POC5: variants seen among roughly 807,000 people sequenced by gnomAD.
POC5 encodes the protein POC5 centriolar protein.
A neutral mutation model predicts 62.9 loss-of-function variants in POC5; 48 were observed. The observed-to-expected ratio is 0.76, with a 90% CI of 0.61 to 0.97. The LOEUF is 0.97. Among genes scored for constraint, POC5 ranks in the 50% least tolerant of loss-of-function variants. The pLI, the probability that POC5 is intolerant of heterozygous loss-of-function variation, is 0.00. For missense variants in POC5, 696 were observed against 679.5 expected (o/e 1.02, Z -0.27); for synonymous variants, 236 against 228.2 (o/e 1.03, Z -0.31).
At chr5:75,681,910 T>C (rs1043338331) in intron 10 of POC5, among the ~76,000 whole-genome samples, 4 of 152,230 alleles carry the variant, frequency 2.6e-5, no homozygotes, top group African/African-American at 7.2e-5. Context: ...ACTGGATTTA[T>C]TCCTACTTTT....
At chr5:75,711,217 TTTC>T (rs1198069098) in intron 2 of POC5, among the ~76,000 whole-genome samples, 1 of 152,216 alleles carries the variant, frequency 6.6e-6, no homozygotes, top group Non-Finnish European at 1.5e-5. Flanking sequence ...CAATATTGGC[TTTC>T]TTAATTGCCA....
rs748129448 is a variant in POC5, at chr5:75,702,704, A to G, written c.414T>C (p.His138=). 1 of 1,610,592 alleles carries G rather than the reference A, an allele frequency of 6.2e-7. No individual in the cohort carries two copies. The part of the protein sequence containing the change: ...DSSSPATNSS[H]TDAHEILVSD... ...TCACAAGTATTTCATGGGCATCTGTATGACTAGAATTTGTTGCTGGTGAGG... is the reference window on the plus strand; with the variant it reads ...TCACAAGTATTTCATGGGCATCTGTGTGACTAGAATTTGTTGCTGGTGAGG... Residue 138 remains histidine (H), a synonymous_variant, in exon 5 of 12, where the codon CAT becomes CAC. Transcript: ENST00000428202.
In POC5 at chr5:75,677,789, A is replaced by G. The variant is rs1414332805; in HGVS notation, c.1569T>C (p.His523=). Reference sequence around the variant, plus strand: ...GTGGACTCACCACTGTGACTGGATGATGTTTTTCCACAACAACTGAGCTCA... The same window carrying G: ...GTGGACTCACCACTGTGACTGGATGGTGTTTTTCCACAACAACTGAGCTCA... ...PPMSSVVVEK[H]HPVTVQTIPQ... The change falls in exon 11 of 12, where the codon CAT becomes CAC. Residue 523 remains histidine, a synonymous_variant. Transcript: ENST00000428202. 3.1e-6 allele frequency: 5 copies of G among 1,608,154 alleles called. No homozygotes were observed. The East Asian group carries it at 1.1e-4, about 36-fold the overall frequency.
chr5:75,688,956 A>T, intron 9 of POC5, 56 bp downstream of exon 9: 14 of 1,456,730 alleles, frequency 9.6e-6, no homozygotes, highest in Non-Finnish European at 1.3e-5. Context: ...CAATCACCAA[A>T]ATCTCCTCAA....
At position 75,682,763 on chromosome 5, in the gene POC5, C is replaced by A. The variant is rs1048507104; in HGVS notation, c.1407+2444G>T. On this transcript the variant is annotated intron_variant, in intron 10 of 11. Coordinates refer to ENST00000428202, the MANE Select transcript of POC5 (RefSeq NM_001099271.2). ...ATCTCCTGACCTTGTGATCCACCTG[C>A]CTCGGCCTCCCAGAGTGCTGGGATT... is the stretch of plus-strand genomic sequence containing the variant. 5.1e-4 allele frequency among the ~76,000 whole-genome samples: 78 copies of A among 152,242 alleles called. 1 individual carries two copies. Among genetic ancestry groups the A allele is most frequent in the East Asian group, 1.5e-3 (8 of 5,176 alleles).
At chr5:75,705,826 C>T in intron 3 of POC5, 39 bp from the exon 4 acceptor site, 1 of 1,275,370 alleles carries the variant, frequency 7.8e-7, no homozygotes, top group South Asian at 1.4e-5. Context: ...AACTGAACCA[C>T]TCTTAAATAA....
At chr5:75,687,738 T>A (rs1367946052) in intron 9 of POC5, among the ~76,000 whole-genome samples, 1 of 152,194 alleles carries the variant, frequency 6.6e-6, no homozygotes, top group Non-Finnish European at 1.5e-5. Flanking sequence ...AAGAAACAGG[T>A]TTCTTGTAAT....
Position 75,705,689 on chromosome 5 carries a change from A to C in POC5, c.307+15T>G. 6.8e-7 allele frequency: 1 copy of C among 1,474,912 alleles called. No individual in the cohort carries two copies. Among genetic ancestry groups the C allele is most frequent in the Non-Finnish European group, 9.1e-7 (1 of 1,101,108 alleles). 91.4% of individuals were successfully genotyped at this position (1,474,912 alleles called of 1,614,324 possible). ...TGTTGTATATTAATACAAATAAGCT[A>C]AAGAAAAATCATACCATCTGTCTTT... On this transcript the variant is annotated intron_variant, in intron 4 of 11. Coordinates refer to ENST00000428202, the MANE Select transcript of POC5 (RefSeq NM_001099271.2).
intron 5 of POC5, among the ~76,000 whole-genome samples, chr5:75,702,166 G>A (rs917874769): frequency 3.9e-5 from 6 of 152,034 alleles, no homozygotes; most frequent in Admixed American, 3.9e-4. Flanking sequence ...CTGTCAGGGG[G>A]TGGAGGGTAA....
At chr5:75,702,856 C>A (rs770697585) in intron 4 of POC5, 46 bp from the exon 5 acceptor site, 1 of 1,435,948 alleles carries the variant, frequency 7.0e-7, no homozygotes, top group Non-Finnish European at 9.6e-7. Flanking sequence ...TTGAAAATAA[C>A]TCAAGTTGGT....
intron 9 of POC5, 53 bp from the exon 10 acceptor site, chr5:75,685,537 T>C (rs1304182233): frequency 1.3e-6 from 2 of 1,534,594 alleles, no homozygotes. Flanking sequence ...GGACTACTAT[T>C]ATCTTCCAAA....
chr5:75,696,764 G>A (rs1377726364), intron 5 of POC5, among the ~76,000 whole-genome samples: 5 of 152,076 alleles, frequency 3.3e-5, no homozygotes, highest in South Asian at 4.1e-4. Flanking sequence ...TCCGAGCTAC[G>A]GGAGGACATT....
intron 9 of POC5, among the ~76,000 whole-genome samples, chr5:75,687,243 G>A (rs1290726555): frequency 6.6e-6 from 1 of 152,032 alleles, no homozygotes; most frequent in Non-Finnish European, 1.5e-5. Context: ...TGTTAGCCAG[G>A]ATCGTCTCGA....
At position 75,716,386 on chromosome 5, in the gene POC5, G is replaced by A. The variant is rs930059225; in HGVS notation, c.-15+920C>T. ...GAGACCAGGCAGGTAACAGGGGTGG[G>A]GGGGGGGGGGTGCTGATTATTTAAA... is the stretch of plus-strand genomic sequence containing the variant. On this transcript the variant is annotated intron_variant, in intron 1 of 11. Coordinates refer to ENST00000428202, the MANE Select transcript of POC5 (RefSeq NM_001099271.2). 1.9e-4 allele frequency among the ~76,000 whole-genome samples: 10 copies of A among 53,416 alleles called. 2 individuals are homozygous for A. The highest frequency in any genetic ancestry group is 5.0e-4 in the Admixed American group (2 of 4,006). The allele number at this position is 53,416 out of a possible 152,430, so 35.0% of individuals were successfully genotyped here. A position where few individuals can be genotyped will look rare whatever the true frequency, so the allele number is the denominator to read the frequency against.
intron 1 of POC5, 48 bp from the exon 2 acceptor site, chr5:75,712,999 T>C (rs1397147620): frequency 3.7e-6 from 5 of 1,337,440 alleles, no homozygotes; most frequent in Non-Finnish European, 5.2e-6. Context: ...ATATTTAAGA[T>C]AAAATCCTTT....
intron 10 of POC5, 27 bp downstream of exon 10, chr5:75,685,180 G>T (rs774597421): frequency 6.4e-7 from 1 of 1,570,816 alleles, no homozygotes; most frequent in South Asian, 1.2e-5. Flanking sequence ...CTTTTCATAA[G>T]GTGGGACCTG....
intron 5 of POC5, among the ~76,000 whole-genome samples, chr5:75,701,691 G>A (rs183929970): frequency 2.7e-5 from 4 of 150,460 alleles, no homozygotes; most frequent in East Asian, 2.0e-4. Flanking sequence ...TGCACATTGT[G>A]TACATGTACC....
intron 2 of POC5, among the ~76,000 whole-genome samples, chr5:75,708,497 GA>G (rs990351111): frequency 3.3e-5 from 5 of 151,796 alleles, no homozygotes; most frequent in African/African-American, 1.2e-4. Context: ...TTTTGGAACT[GA>G]AAAAAAATTA....
intron 4 of POC5, 158 bp downstream of exon 4, chr5:75,705,536 TATCTTATCAA>T: frequency 1.9e-6 from 1 of 515,400 alleles, no homozygotes; most frequent in Non-Finnish European, 3.4e-6. Context: ...ACTATTTTGG[TATCTTATCAA>T]ATTATTTTAA....
Sources: allele counts gnomAD v4.1 joint callset (sites outside exome capture counted in the v4.1 genomes callset), GRCh38; gene constraint gnomAD v4.1.1; transcripts MANE v1.5; gene names NCBI Gene and HGNC (gene_info 2026-07-23, HGNC 2026-07-21).